Variants in FLT3 observed in about 807,000 individuals in gnomAD.
FLT3 encodes the protein receptor-type tyrosine-protein kinase FLT3.
FLT3 carries 46 observed loss-of-function variants against 126.6 expected under a neutral mutation model. That is an observed-to-expected ratio of 0.36 (90% CI 0.29 to 0.46). FLT3 has a LOEUF of 0.46. FLT3 is among the 20% of genes least tolerant of loss of function. FLT3 has a pLI of 1.00. For synonymous variants in FLT3, 404 were observed against 434.4 expected, an observed-to-expected ratio of 0.93 and a Z score of 0.87; for missense variants, 1,069 against 1,190.3, an observed-to-expected ratio of 0.90 and a Z score of 1.50.
At chr13:28,096,158 C>G (rs1879436021) in intron 1 of FLT3, among the ~76,000 whole-genome samples, 1 of 151,876 alleles carries the variant, frequency 6.6e-6, no homozygotes, top group Admixed American at 6.6e-5. Flanking sequence ...AGTTCAAGAC[C>G]AGCCTAGACA....
chr13:28,092,161 C>G (rs182080349), intron 1 of FLT3, among the ~76,000 whole-genome samples: 1 of 152,298 alleles, frequency 6.6e-6, no homozygotes, highest in Admixed American at 6.5e-5. Flanking sequence ...TGGGTAACCC[C>G]CGCCAGGAAC....
intron 20 of FLT3, among the ~76,000 whole-genome samples, chr13:28,017,328 T>C (rs112981954): frequency 0.077 from 11,627 of 151,708 alleles, 1,157 homozygotes; most frequent in African/African-American, 0.23. Context: ...GCTCAAGTGA[T>C]CCTCCCACTT....
chr13:28,089,146 A>C (rs771129515), intron 1 of FLT3, among the ~76,000 whole-genome samples: 4 of 152,244 alleles, frequency 2.6e-5, no homozygotes, highest in Non-Finnish European at 5.9e-5. Context: ...GCCACAGTAC[A>C]CATTGCTACA....
At chr13:28,029,329 T>TTGCAG (rs78113181) in intron 15 of FLT3, among the ~76,000 whole-genome samples, 25,193 of 152,026 alleles carry the variant, frequency 0.17, 2,277 homozygotes, top group Admixed American at 0.23. Context: ...GAGGCAGAGG[T>TTGCAG]TGCAGTGAGC....
chr13:28,095,747 C>G (rs933721148), intron 1 of FLT3, among the ~76,000 whole-genome samples: 3 of 152,154 alleles, frequency 2.0e-5, no homozygotes, highest in African/African-American at 7.2e-5. Flanking sequence ...TAATCTTGAA[C>G]TTGAATGATA....
intron 2 of FLT3, 40 bp downstream of exon 2, chr13:28,070,451 G>T: frequency 6.4e-7 from 1 of 1,573,342 alleles, no homozygotes; most frequent in South Asian, 1.1e-5. Flanking sequence ...ACGTTCTCTA[G>T]AGAAAAACAG....
intron 1 of FLT3, among the ~76,000 whole-genome samples, chr13:28,078,958 C>G (rs921499708): frequency 6.6e-6 from 1 of 152,172 alleles, no homozygotes; most frequent in Non-Finnish European, 1.5e-5. Flanking sequence ...GTGATCCCCC[C>G]GCCTTGGCCT....
chr13:28,034,944 C>CAA (rs34049926), intron 12 of FLT3, among the ~76,000 whole-genome samples: 70,208 of 149,044 alleles, frequency 0.47, 17,853 homozygotes, highest in East Asian at 0.71. Context: ...GTCTCCATCT[C>CAA]AAAAAAAAAA....
At chr13:28,047,069 T>C (rs1234700527) in intron 9 of FLT3, among the ~76,000 whole-genome samples, 2 of 152,136 alleles carry the variant, frequency 1.3e-5, no homozygotes, top group South Asian at 2.1e-4. Flanking sequence ...GATCTAGACC[T>C]GTGATAGGAA....
chr13:28,098,620 A>G (rs1879626010), intron 1 of FLT3, among the ~76,000 whole-genome samples: 1 of 152,220 alleles, frequency 6.6e-6, no homozygotes, highest in Non-Finnish European at 1.5e-5. Context: ...ACTTGTGGGC[A>G]TAATCCTTTA....
chr13:28,099,452 T>C (rs760779065), intron 1 of FLT3, among the ~76,000 whole-genome samples: 24 of 152,388 alleles, frequency 1.6e-4, no homozygotes, highest in Non-Finnish European at 3.2e-4. Flanking sequence ...CTATTGGATA[T>C]AATTCCTGCA....
At chr13:28,004,364 G>A (rs1050216260) in intron 23 of FLT3, among the ~76,000 whole-genome samples, 190 bp from the exon 24 acceptor site, 6 of 152,114 alleles carry the variant, frequency 3.9e-5, no homozygotes, top group Admixed American at 2.6e-4. Context: ...GGAGTGCAGT[G>A]GTACAACCAT....
chr13:28,062,026 T>G lies in FLT3; in HGVS notation c.209A>C (p.Gln70Pro). 2 of 1,612,956 alleles carry G rather than the reference T, an allele frequency of 1.2e-6. No individual in the cohort carries two copies. Among genetic ancestry groups the G allele is most frequent in the Non-Finnish European group, 1.7e-6 (2 of 1,179,984 alleles). Residue 70 changes from glutamine to proline, a missense_variant, in exon 3 of 24, where the codon CAG (glutamine) becomes CCG (proline). Physicochemically the swap from Gln to Pro is moderately conservative, Grantham distance 76. Transcript: ENST00000241453. Reference sequence around the variant, plus strand: ...AGCTTCGTACACTGTCCCTGAGCTCTGGGGTCTCAACGCACACCCGAGGTC... The same window carrying G: ...AGCTTCGTACACTGTCCCTGAGCTCGGGGGTCTCAACGCACACCCGAGGTC... ...PEDLGCALRP[Q>P]SSGTVYEAAA...
chr13:28,017,057 C>T (rs1871928739), intron 20 of FLT3, among the ~76,000 whole-genome samples: 1 of 152,176 alleles, frequency 6.6e-6, no homozygotes, highest in African/African-American at 2.4e-5. Context: ...TTCAAGTCCA[C>T]ATGCTGTGTA....
chr13:28,062,816 A>G (rs1216774701), intron 2 of FLT3, among the ~76,000 whole-genome samples: 1 of 151,746 alleles, frequency 6.6e-6, no homozygotes, highest in Non-Finnish European at 1.5e-5. Context: ...ACAGAAAGAC[A>G]GCCATCTTCC....
intron 22 of FLT3, 68 bp from the exon 23 acceptor site, chr13:28,014,625 T>C (rs1198812175): frequency 2.8e-6 from 3 of 1,077,640 alleles, no homozygotes; most frequent in Non-Finnish European, 4.2e-6. Context: ...TCATTTTCCA[T>C]ATAATGAAGC....
chr13:28,007,698 A>G, intron 23 of FLT3, among the ~76,000 whole-genome samples: 1 of 152,204 alleles, frequency 6.6e-6, no homozygotes, highest in East Asian at 1.9e-4. Flanking sequence ...TACCTTAGGC[A>G]AATTACTTAA....
intron 1 of FLT3, among the ~76,000 whole-genome samples, chr13:28,085,343 CAAAAAAAAAAAAA>C (rs59478584): frequency 6.0e-4 from 49 of 82,286 alleles, no homozygotes; most frequent in African/African-American, 2.2e-3. Context: ...GACTCCATCT[CAAAAAAAAAAAAA>C]AAAAAAAAAA....
intron 23 of FLT3, among the ~76,000 whole-genome samples, chr13:28,005,950 C>A (rs764601768): frequency 6.6e-6 from 1 of 152,008 alleles, no homozygotes; most frequent in African/African-American, 2.4e-5. Context: ...ATTTCCTTTG[C>A]CTTTTATGTA....
Sources: allele counts gnomAD v4.1 joint callset (sites outside exome capture counted in the v4.1 genomes callset), GRCh38; gene constraint gnomAD v4.1.1; transcripts MANE v1.5; gene names NCBI Gene and HGNC (gene_info 2026-07-23, HGNC 2026-07-21).